The following CTNND2 variants were observed in gnomAD, a reference collection of about 807,000 sequenced individuals.
CTNND2 encodes catenin delta 2.
A neutral mutation model predicts 144.4 loss-of-function variants in CTNND2; 22 were observed. That is an observed-to-expected ratio of 0.15 (90% CI 0.11 to 0.22). The LOEUF is 0.22. Ranked by LOEUF, CTNND2 falls within the 10% of genes least tolerant of loss-of-function variation. The probability of loss-of-function intolerance (pLI) is 1.00; values close to 1 mark genes in which losing one functional copy is unlikely to be tolerated. For missense variants in CTNND2, 1,353 were observed against 1,618.8 expected (o/e 0.84, Z 2.82); for synonymous variants, 751 against 695.6 (o/e 1.08, Z -1.25).
chr5:11,163,671 T>C (rs1251635759), intron 11 of CTNND2, among the ~76,000 whole-genome samples: 13 of 152,144 alleles, frequency 8.5e-5, no homozygotes, highest in Admixed American at 8.5e-4. Context: ...CTTTAATTCT[T>C]ACTCCTCTCT....
intron 10 of CTNND2, among the ~76,000 whole-genome samples, chr5:11,235,326 C>T (rs1266265041): frequency 6.6e-6 from 1 of 152,064 alleles, no homozygotes; most frequent in Admixed American, 6.5e-5. Flanking sequence ...TATGTGATCC[C>T]CCAGTCAGAA....
chr5:11,445,086 G>A (rs1764684300), intron 3 of CTNND2, among the ~76,000 whole-genome samples: 1 of 152,156 alleles, frequency 6.6e-6, no homozygotes, highest in African/African-American at 2.4e-5. Context: ...CATTCTGGAG[G>A]CTTGAAGTCT....
rs143079642 is a variant in CTNND2, at chr5:11,644,193, A to C, written c.175-79137T>G. On this transcript the variant is annotated intron_variant, in intron 2 of 21. Transcript: ENST00000304623. ...AATCAATAAGAAAAAGTGAAAAAAA[A>C]CCTAGATAATAGTATTTGAAAGGCT... 2.6e-5 allele frequency among the ~76,000 whole-genome samples: 4 copies of C among 152,316 alleles called. No individual in the cohort carries two copies. The East Asian group carries it at 5.8e-4, about 22-fold the overall frequency.
chr5:11,214,898 T>C (rs778987489), intron 10 of CTNND2, among the ~76,000 whole-genome samples: 1 of 152,146 alleles, frequency 6.6e-6, no homozygotes, highest in Non-Finnish European at 1.5e-5. Context: ...AATCTTCCCC[T>C]TCTCTAGGTT....
intron 16 of CTNND2, among the ~76,000 whole-genome samples, chr5:11,035,854 T>C (rs1314072946): frequency 6.3e-5 from 2 of 31,760 alleles, no homozygotes; most frequent in East Asian, 1.7e-3. Flanking sequence ...ATAATGAACT[T>C]GAAAAAAAAA....
In CTNND2 at chr5:11,397,116, T is replaced by C; in HGVS notation, c.527A>G (p.Gln176Arg). 1.2e-6 allele frequency: 2 copies of C among 1,614,212 alleles called. No homozygotes were observed. The highest frequency in any genetic ancestry group is 1.7e-6 in the Non-Finnish European group (2 of 1,180,046). Residue 176 changes from glutamine to arginine, a missense_variant, in exon 6 of 22, where the codon CAG becomes CGG. By Grantham distance (43) the Gln-to-Arg change is conservative. This residue lies in a region of CTNND2 where 708 missense variants were observed against 706.4 expected (regional missense o/e 1.00). Coordinates refer to ENST00000304623, the MANE Select transcript of CTNND2 (RefSeq NM_001332.4). ...FQYPASYHSN[Q>R]TLALGETTPS... is the part of the protein sequence containing the mutation. Reference sequence around the variant, plus strand: ...GGTGGTTTCCCCCAGGGCCAGGGTCTGGTTGCTATGGTAGCTGGCCGGATA... The same window carrying C: ...GGTGGTTTCCCCCAGGGCCAGGGTCCGGTTGCTATGGTAGCTGGCCGGATA...
At chr5:11,590,208 G>C (rs1779144024) in intron 2 of CTNND2, among the ~76,000 whole-genome samples, 1 of 151,958 alleles carries the variant, frequency 6.6e-6, no homozygotes, top group Non-Finnish European at 1.5e-5. Flanking sequence ...ACCAGGCCCG[G>C]GTAATTTTTT....
At chr5:11,147,485 C>T (rs1424030517) in intron 12 of CTNND2, among the ~76,000 whole-genome samples, 1 of 151,998 alleles carries the variant, frequency 6.6e-6, no homozygotes, top group Non-Finnish European at 1.5e-5. Flanking sequence ...AGCAGAGGGG[C>T]CCCACATGAG....
At chr5:11,140,747 A>G (rs985182148) in intron 12 of CTNND2, among the ~76,000 whole-genome samples, 3 of 152,212 alleles carry the variant, frequency 2.0e-5, no homozygotes, top group African/African-American at 7.2e-5. Context: ...CATCCAATGT[A>G]TAGGAGAAGC....
chr5:11,668,603 C>A (rs1269606179), intron 2 of CTNND2, among the ~76,000 whole-genome samples: 3 of 152,114 alleles, frequency 2.0e-5, no homozygotes. Flanking sequence ...GTGATTTTTG[C>A]ACATTGATTT....
intron 2 of CTNND2, among the ~76,000 whole-genome samples, chr5:11,714,939 C>A (rs1391722761): frequency 6.6e-6 from 1 of 150,792 alleles, no homozygotes; most frequent in East Asian, 1.9e-4. Context: ...AGAAAGAAAT[C>A]AGGAAGGTAA....
chr5:11,036,821 A>G (rs1744125614), intron 16 of CTNND2, among the ~76,000 whole-genome samples: 1 of 152,212 alleles, frequency 6.6e-6, no homozygotes, highest in African/African-American at 2.4e-5. Context: ...ATAATTGGCT[A>G]TGTTCAGCAT....
intron 2 of CTNND2, among the ~76,000 whole-genome samples, chr5:11,594,116 A>G (rs1236394606): frequency 6.6e-6 from 1 of 152,356 alleles, no homozygotes; most frequent in East Asian, 1.9e-4. Flanking sequence ...GACATCTCCT[A>G]TAATGCTGTC....
chr5:11,314,269 A>G (rs1751283357), intron 9 of CTNND2, among the ~76,000 whole-genome samples: 2 of 152,094 alleles, frequency 1.3e-5, no homozygotes, highest in African/African-American at 2.4e-5. Context: ...GTTCTTTCCT[A>G]AAGTCTGGAA....
chr5:11,636,543 G>A (rs139041995), intron 2 of CTNND2, among the ~76,000 whole-genome samples: 4 of 152,304 alleles, frequency 2.6e-5, no homozygotes, highest in African/African-American at 7.2e-5. Context: ...TTATGACAGT[G>A]CAGGCAACTG....
intron 1 of CTNND2, among the ~76,000 whole-genome samples, chr5:11,869,735 C>T (rs1042259506): frequency 1.3e-5 from 2 of 152,144 alleles, no homozygotes; most frequent in Non-Finnish European, 2.9e-5. Context: ...TTTATGTATG[C>T]TTTAATGCAA....
intron 3 of CTNND2, among the ~76,000 whole-genome samples, chr5:11,446,594 A>G (rs1764825418): frequency 6.6e-6 from 1 of 152,116 alleles, no homozygotes; most frequent in Admixed American, 6.5e-5. Context: ...TGTAAAAACT[A>G]AAGGTTGCAA....
intron 1 of CTNND2, among the ~76,000 whole-genome samples, chr5:11,771,035 T>C (rs187800662): frequency 1.3e-5 from 2 of 152,188 alleles, no homozygotes; most frequent in East Asian, 3.9e-4. Flanking sequence ...CTGGATTCTG[T>C]CAGAATCAAA....
intron 1 of CTNND2, among the ~76,000 whole-genome samples, chr5:11,783,563 G>C (rs1221733990): frequency 6.6e-6 from 1 of 152,078 alleles, no homozygotes; most frequent in Non-Finnish European, 1.5e-5. Flanking sequence ...TTTTCATAAT[G>C]GTTTTTAGGT....
Sources: gnomAD v4.1 joint callset for allele counts (sites outside exome capture counted in the v4.1 genomes callset) on GRCh38, gnomAD v4.1.1 for gene constraint, gnomAD v4.1.1 regional missense constraint, MANE v1.5 for transcripts, NCBI Gene and HGNC (gene_info 2026-07-23, HGNC 2026-07-21) for gene names.